Variants in KDM3B observed in about 807,000 individuals in gnomAD.
KDM3B encodes lysine-specific demethylase 3B.
In KDM3B, 10 loss-of-function variants were observed where a neutral mutation model predicts 170.0. The ratio of observed to expected loss-of-function variants is 0.06; its 90% CI spans 0.04 to 0.10. KDM3B has a LOEUF of 0.10. KDM3B is among the 10% of genes least tolerant of loss of function. The pLI, the probability that KDM3B is intolerant of heterozygous loss-of-function variation, is 1.00. For synonymous variants in KDM3B, 831 were observed against 834.8 expected, an observed-to-expected ratio of 1.00 and a Z score of 0.08; for missense variants, 1,394 against 2,195.2, an observed-to-expected ratio of 0.64 and a Z score of 7.29.
chr5:138,411,516 C>T (rs899263260), intron 11 of KDM3B, among the ~76,000 whole-genome samples: 1 of 152,030 alleles, frequency 6.6e-6, no homozygotes, highest in African/African-American at 2.4e-5. Context: ...GCCCACAAAC[C>T]TCTGTCTTTA....
intron 11 of KDM3B, among the ~76,000 whole-genome samples, chr5:138,409,084 T>C (rs1345838213): frequency 1.3e-5 from 2 of 152,196 alleles, no homozygotes; most frequent in Non-Finnish European, 2.9e-5. Flanking sequence ...GAATATCATA[T>C]AATATGAAAG....
intron 12 of KDM3B, among the ~76,000 whole-genome samples, chr5:138,417,108 A>G (rs1763125461): frequency 6.6e-6 from 1 of 152,310 alleles, no homozygotes; most frequent in East Asian, 1.9e-4. Context: ...GGCGTGAGCC[A>G]CCACACCTGG....
intron 6 of KDM3B, among the ~76,000 whole-genome samples, chr5:138,384,702 G>A (rs148644257): frequency 2.1e-3 from 295 of 142,834 alleles, no homozygotes; most frequent in African/African-American, 6.6e-3. Flanking sequence ...TCACACCATC[G>A]CACTCCAGCC....
chr5:138,427,423 C>G, intron 19 of KDM3B, 104 bp downstream of exon 19: 2 of 1,316,018 alleles, frequency 1.5e-6, no homozygotes, highest in Non-Finnish European at 2.1e-6. Context: ...TGATTGCAGG[C>G]AAGTGCTGGA....
chr5:138,435,529 T>C (rs1763651049), intron 23 of KDM3B, 91 bp from the exon 24 acceptor site: 1 of 979,386 alleles, frequency 1.0e-6, no homozygotes. Context: ...TTTTGGGAGT[T>C]TCCCCACTAA....
At chr5:138,428,706 GAAGAA>G (rs1265595908) in intron 20 of KDM3B, among the ~76,000 whole-genome samples, 1 of 152,144 alleles carries the variant, frequency 6.6e-6, no homozygotes, top group Non-Finnish European at 1.5e-5. Context: ...AAAGAGAAAT[GAAGAA>G]AGGGCAGAGT....
chr5:138,392,408 C>A, intron 8 of KDM3B, 147 bp downstream of exon 8: 1 of 783,286 alleles, frequency 1.3e-6, no homozygotes. Context: ...GCAGAGGCCC[C>A]TCGTCAGGCC....
chr5:138,414,369 A>G (rs12655770), intron 11 of KDM3B, among the ~76,000 whole-genome samples: 106,130 of 151,734 alleles, frequency 0.7, 37,619 homozygotes, highest in South Asian at 0.86. Flanking sequence ...GTTTCACCGT[A>G]TTAGCCAGGA....
intron 13 of KDM3B, 181 bp downstream of exon 13, chr5:138,417,791 TG>T (rs1195865963): frequency 1.2e-5 from 7 of 574,700 alleles, no homozygotes; most frequent in Admixed American, 3.1e-5. Flanking sequence ...TACCCCTGAT[TG>T]GTACAGTTTC....
rs1267819942 is a variant in KDM3B at position 138,425,395 on chromosome 5, A to G, written c.4240-16A>G. The G allele has an allele frequency of 1.2e-6, 2 of 1,611,362 alleles. No individual in the cohort carries two copies. Among genetic ancestry groups the G allele is most frequent in the Non-Finnish European group, 8.5e-7 (1 of 1,179,034 alleles). On this transcript the variant is annotated splice_polypyrimidine_tract_variant and intron_variant, in intron 16 of 23. Coordinates refer to ENST00000314358, the MANE Select transcript of KDM3B (RefSeq NM_016604.4). ...TTTCCTAGATTGCTCTGATTGGGAT[A>G]TTTTTGTTTCCACAGCCAGTGCTGG... is the stretch of plus-strand genomic sequence containing the variant.
intron 1 of KDM3B, among the ~76,000 whole-genome samples, chr5:138,366,195 ACTC>A (rs1761741950): frequency 6.7e-6 from 1 of 149,906 alleles, no homozygotes; most frequent in Admixed American, 6.6e-5. Context: ...ATTTTTAAAA[ACTC>A]CTATTATTTA....
At chr5:138,417,887 T>C (rs772703416) in intron 13 of KDM3B, 36 of 292,062 alleles carry the variant, frequency 1.2e-4, no homozygotes, top group Admixed American at 3.2e-4. Context: ...TCAGGGTCTT[T>C]GTATGGGTAA....
chr5:138,378,193 T>A (rs184643099), intron 4 of KDM3B, among the ~76,000 whole-genome samples: 3 of 152,320 alleles, frequency 2.0e-5, no homozygotes, highest in East Asian at 3.9e-4. Flanking sequence ...ATTCTGCATT[T>A]CATAATATAC....
intron 11 of KDM3B, among the ~76,000 whole-genome samples, chr5:138,400,389 T>A (rs1447478465): frequency 6.6e-6 from 1 of 151,966 alleles, no homozygotes; most frequent in East Asian, 1.9e-4. Context: ...CCACCGTACC[T>A]GTGTTTTTTT....
At chr5:138,353,650 C>T (rs748866618) in intron 1 of KDM3B, among the ~76,000 whole-genome samples, 2 of 152,168 alleles carry the variant, frequency 1.3e-5, no homozygotes, top group Non-Finnish European at 2.9e-5. Context: ...AGTTTGAGAT[C>T]TTTCTTAGTG....
intron 11 of KDM3B, among the ~76,000 whole-genome samples, chr5:138,413,421 T>C (rs1763025058): frequency 6.6e-6 from 1 of 151,818 alleles, no homozygotes; most frequent in Non-Finnish European, 1.5e-5. Flanking sequence ...TCAAGTATTA[T>C]CAAGGATGTA....
rs139575536 is a variant in KDM3B at position 138,372,614 on chromosome 5, A to G, written c.193-60A>G. The stretch of plus-strand genomic sequence containing the variant: ...AAAACAGTGGGGTTTATGTTCATTT[A>G]TAAGTATAGTGTGAGATTTTTCCAA... On this transcript the variant is annotated intron_variant, in intron 1 of 23. Coordinates refer to ENST00000314358, the MANE Select transcript of KDM3B (RefSeq NM_016604.4). 4,373 of 1,408,584 alleles carry G rather than the reference A, an allele frequency of 3.1e-3. 25 individuals carry two copies. The highest frequency in any genetic ancestry group is 7.1e-3 in the Middle Eastern group (39 of 5,522). The allele number at this position is 1,408,584 out of a possible 1,614,324, so 87.3% of individuals were successfully genotyped here.
chr5:138,390,890 G>A (rs1295379258), intron 7 of KDM3B, 123 bp from the exon 8 acceptor site: 3 of 904,860 alleles, frequency 3.3e-6, no homozygotes, highest in Non-Finnish European at 4.9e-6. Context: ...CCATGGAATT[G>A]TAAAAGAGAA....
rs1339957394 is a variant in KDM3B, at chr5:138,412,967, C to T, written c.3200-2165C>T. On this transcript the variant is annotated intron_variant, in intron 11 of 23. Transcript: ENST00000314358. ...AGTTTTAAAAAGGTTTGAACAGATA[C>T]GTCACCAAAAAATATAGTCGATGGC... Among the ~76,000 whole-genome samples, 6 of 152,066 alleles carry T rather than the reference C, an allele frequency of 3.9e-5. No individual in the cohort carries two copies. The South Asian group carries it at 8.3e-4, about 21-fold the overall frequency.
Sources: allele counts gnomAD v4.1 joint callset (sites outside exome capture counted in the v4.1 genomes callset), GRCh38; gene constraint gnomAD v4.1.1; transcripts MANE v1.5; gene names NCBI Gene and HGNC (gene_info 2026-07-23, HGNC 2026-07-21).